Variants in MAP7D2 observed in about 807,000 individuals in gnomAD.
MAP7D2 encodes MAP7 domain-containing protein 2.
MAP7D2 carries 33 observed loss-of-function variants against 63.5 expected under a neutral mutation model. That is an observed-to-expected ratio of 0.52 (90% CI 0.39 to 0.70). MAP7D2 has a LOEUF of 0.70. MAP7D2 is among the 30% of genes least tolerant of loss of function. The probability of loss-of-function intolerance (pLI) is 0.00; values close to 1 mark genes in which losing one functional copy is unlikely to be tolerated. For synonymous variants in MAP7D2, 224 were observed against 223.7 expected (o/e 1.00, Z -0.01); for missense variants, 626 against 604.0 (o/e 1.04, Z -0.38).
In MAP7D2 at chrX:20,025,799, G is replaced by A. The variant is rs768489333; in HGVS notation, c.1161C>T (p.Thr387=). Residue 387 remains threonine (T), a synonymous_variant, in exon 9 of 17, where the codon ACC becomes ACT. Coordinates refer to ENST00000379643, the MANE Select transcript of MAP7D2 (RefSeq NM_001168465.2). ...KEKSNKEREG[T]LAQQAAGPQG... is the part of the protein sequence containing the mutation. ...GCGGGCCAGCAGCCTGCTGAGCCAAGGTACCTTCCCTTTCCTTGTTGCTCT... is the reference window on the plus strand; with the variant it reads ...GCGGGCCAGCAGCCTGCTGAGCCAAAGTACCTTCCCTTTCCTTGTTGCTCT... The A allele has an allele frequency of 3.3e-6, 4 of 1,211,971 alleles. No individual in the cohort carries two copies. The highest frequency in any genetic ancestry group is 3.5e-5 in the South Asian group (2 of 57,012).
intron 1 of MAP7D2, among the ~76,000 whole-genome samples, chrX:20,098,766 G>C (rs1015212168): frequency 8.9e-6 from 1 of 112,465 alleles, no homozygotes; most frequent in African/African-American, 3.2e-5. Flanking sequence ...GGATGGCAGC[G>C]AGTAAAGAGG....
At chrX:20,059,654 G>A (rs2065154244) in intron 3 of MAP7D2, among the ~76,000 whole-genome samples, 1 of 100,995 alleles carries the variant, frequency 9.9e-6, no homozygotes, top group Admixed American at 1.1e-4. Context: ...AAGGAAGGAA[G>A]GAAGGAAAGA....
At chrX:20,055,951 CA>C in intron 4 of MAP7D2, 1 of 303,044 alleles carries the variant, frequency 3.3e-6, no homozygotes, top group Non-Finnish European at 5.6e-6. Context: ...GTTGACTTTT[CA>C]AAAAAGAAAA....
intron 1 of MAP7D2, among the ~76,000 whole-genome samples, chrX:20,114,052 G>T (rs1034794561): frequency 9.0e-6 from 1 of 110,814 alleles, no homozygotes; most frequent in Non-Finnish European, 1.9e-5. Flanking sequence ...TTTTTCTTTC[G>T]AGACGGAGTC....
intron 1 of MAP7D2, among the ~76,000 whole-genome samples, chrX:20,110,605 G>C (rs148006690): frequency 1.9e-5 from 2 of 104,241 alleles, no homozygotes; most frequent in Non-Finnish European, 3.9e-5. Flanking sequence ...CAAGGCTGCA[G>C]TGAGCTGAGA....
At chrX:20,054,001 G>A (rs898832563) in intron 4 of MAP7D2, among the ~76,000 whole-genome samples, 25 of 111,006 alleles carry the variant, frequency 2.3e-4, no homozygotes, top group African/African-American at 8.2e-4. Flanking sequence ...ATGCCACCAC[G>A]CCCAGCTAAT....
At chrX:20,029,586 C>A (rs1275376824) in intron 8 of MAP7D2, among the ~76,000 whole-genome samples, 1 of 111,590 alleles carries the variant, frequency 9.0e-6, no homozygotes. Context: ...AAAACTGGAC[C>A]AATTACCCAT....
intron 1 of MAP7D2, among the ~76,000 whole-genome samples, chrX:20,077,485 G>A (rs1359436655): frequency 9.0e-6 from 1 of 111,676 alleles, no homozygotes; most frequent in Non-Finnish European, 1.9e-5. Flanking sequence ...AAAAAAAACA[G>A]GAAAGTTCCG....
intron 6 of MAP7D2, 136 bp from the exon 7 acceptor site, chrX:20,044,660 A>G (rs1430456797): frequency 1.3e-5 from 7 of 557,580 alleles, no homozygotes; most frequent in Middle Eastern, 3.3e-4. Flanking sequence ...TGTACACAGG[A>G]TGGATCTTAC....
At chrX:20,011,681 G>A (rs1018609858) in intron 15 of MAP7D2, among the ~76,000 whole-genome samples, 7 of 112,510 alleles carry the variant, frequency 6.2e-5, no homozygotes, top group Non-Finnish European at 1.3e-4. Context: ...CACAGCCCAC[G>A]TCATCACTGG....
At chrX:20,024,844 T>G in intron 10 of MAP7D2, 107 bp downstream of exon 10, 1 of 916,025 alleles carries the variant, frequency 1.1e-6, no homozygotes, top group Non-Finnish European at 1.5e-6. Flanking sequence ...GTTCCCATAC[T>G]TCTGTTCAAG....
At chrX:20,059,182 A>G (rs1273157720) in intron 3 of MAP7D2, among the ~76,000 whole-genome samples, 1 of 112,682 alleles carries the variant, frequency 8.9e-6, no homozygotes, top group East Asian at 2.8e-4. Flanking sequence ...GATTCTTATC[A>G]GGACCATTTA....
Position 20,010,665 on chromosome X carries a change from T to C in MAP7D2, c.*26+112A>G, listed in dbSNP as rs1603346981. The C allele has an allele frequency of 5.1e-6, 3 of 585,781 alleles. No homozygotes were observed. The East Asian group carries it at 1.0e-4, about 20-fold the overall frequency. The allele number at this position is 585,781 out of a possible 1,213,427, so 48.3% of individuals were successfully genotyped here. ...GTAGTATACCATAATATATTCATGT[T>C]TGCGTTTTTCAAATAAAATTTGACC... On this transcript the variant is annotated intron_variant, in intron 16 of 16. Transcript: ENST00000379643.
intron 1 of MAP7D2, 47 bp from the exon 2 acceptor site, chrX:20,064,852 C>G: frequency 1.8e-6 from 2 of 1,110,103 alleles, no homozygotes; most frequent in Non-Finnish European, 1.2e-6. Context: ...CACTCTTTCC[C>G]TATCTGCTAA....
At chrX:20,064,957 T>C (rs1425174463) in intron 1 of MAP7D2, 152 bp from the exon 2 acceptor site, 1 of 477,721 alleles carries the variant, frequency 2.1e-6, no homozygotes, top group African/African-American at 2.4e-5. Context: ...AATCTGTCAC[T>C]CTCCATGACA....
chrX:20,015,283 C>T lies in MAP7D2; in HGVS notation c.1689G>A (p.Met563Ile). The T allele has an allele frequency of 8.3e-7, 1 of 1,211,500 alleles. No individual in the cohort carries two copies. The highest frequency in any genetic ancestry group is 1.1e-6 in the Non-Finnish European group (1 of 895,342). The change falls in exon 12 of 17, where the codon ATG (methionine) becomes ATA (isoleucine). Residue 563 changes from methionine (M) to isoleucine (I), a missense_variant. Met to Ile is a conservative substitution (Grantham distance 10). Transcript: ENST00000379643. The stretch of plus-strand genomic sequence containing the variant: ...GCATAATCTGTTCTCTCTCGAGACG[C>T]ATCTGTTCAGCTACCTCCCGGGCCT... ...ETKAREVAEQ[M>I]RLEREQIMLQ...
chrX:20,021,270 T>C (rs773718822), intron 10 of MAP7D2: 1 of 112,502 alleles, frequency 8.9e-6, no homozygotes, highest in African/African-American at 3.2e-5. Flanking sequence ...TGGTTGGCCC[T>C]TCTGTTCTGG....
intron 3 of MAP7D2, among the ~76,000 whole-genome samples, chrX:20,058,102 G>A (rs1484291602): frequency 8.9e-6 from 1 of 112,304 alleles, no homozygotes; most frequent in Non-Finnish European, 1.9e-5. Flanking sequence ...GCTATTAACT[G>A]TGCTCTTGTA....
intron 1 of MAP7D2, among the ~76,000 whole-genome samples, chrX:20,114,927 T>C (rs1273499426): frequency 8.9e-6 from 1 of 111,991 alleles, no homozygotes; most frequent in African/African-American, 3.3e-5. Flanking sequence ...TCATAATTTT[T>C]CTAAGGAGAC....
Sources: gnomAD v4.1 joint callset for allele counts (sites outside exome capture counted in the v4.1 genomes callset) on GRCh38, gnomAD v4.1.1 for gene constraint, MANE v1.5 for transcripts, NCBI Gene and HGNC (gene_info 2026-07-23, HGNC 2026-07-21) for gene names.